The following ANKMY1 variants were observed in gnomAD, a reference collection of about 807,000 sequenced individuals.
ANKMY1 encodes the protein ankyrin repeat and MYND domain containing 1, also known as ankyrin repeat and MYND domain-containing protein 1.
A neutral mutation model predicts 102.0 loss-of-function variants in ANKMY1; 98 were observed. The ratio of observed to expected loss-of-function variants is 0.96; its 90% CI spans 0.82 to 1.14. The LOEUF is 1.14. Ranked by LOEUF, ANKMY1 falls within the 50% of genes most tolerant of loss-of-function variation. The pLI is 0.00. For missense variants in ANKMY1, 1,330 were observed against 1,347.6 expected (o/e 0.99, Z 0.20); for synonymous variants, 582 against 559.9 (o/e 1.04, Z -0.56).
upstream of ANKMY1, chr2:240,560,758 C>T: frequency 6.7e-7 from 1 of 1,491,292 alleles, no homozygotes; most frequent in Non-Finnish European, 8.8e-7. Flanking sequence ...GTCGCGCCCT[C>T]ACTCTTCCTC....
intron 15 of ANKMY1, among the ~76,000 whole-genome samples, chr2:240,483,693 C>A (rs1009064382): frequency 3.9e-5 from 6 of 152,064 alleles, no homozygotes; most frequent in Admixed American, 1.3e-4. Context: ...TCTTTTTCTT[C>A]TTATTATTAT....
chr2:240,480,475 G>A (rs112423847), intron 17 of ANKMY1, among the ~76,000 whole-genome samples: 3 of 152,322 alleles, frequency 2.0e-5, no homozygotes, highest in African/African-American at 4.8e-5. Flanking sequence ...ACCTGTTGAC[G>A]TCCACACTAA....
chr2:240,513,047 G>C (rs2080543250), intron 9 of ANKMY1, 105 bp from the exon 10 acceptor site: 1 of 1,453,522 alleles, frequency 6.9e-7, no homozygotes, highest in African/African-American at 1.4e-5. Context: ...GAGACTCCAA[G>C]GGCACCATTC....
chr2:240,479,885 G>T (rs1256642090), intron 17 of ANKMY1, among the ~76,000 whole-genome samples: 4 of 152,136 alleles, frequency 2.6e-5, no homozygotes, highest in Non-Finnish European at 5.9e-5. Flanking sequence ...TACAAGCCAA[G>T]GAGCTGCGAC....
At chr2:240,472,239 GGGGAGGCAGGCC>G in the ANKMY1 span, among the ~76,000 whole-genome samples, 2 of 124,218 alleles carry the variant, frequency 1.6e-5, no homozygotes, top group Admixed American at 7.6e-5. Context: ...GGCCGCACGC[GGGGAGGCAGGCC>G]TACCAATCTA....
At chr2:240,548,764 A>G (rs2090941629) in intron 4 of ANKMY1, among the ~76,000 whole-genome samples, 1 of 149,544 alleles carries the variant, frequency 6.7e-6, no homozygotes, top group Admixed American at 6.7e-5. Context: ...CCCATTCACA[A>G]TTGCTTCAAA....
chr2:240,481,055 G>C lies in ANKMY1; in HGVS notation c.2928C>G (p.Ile976Met). The change falls in exon 17 of 18, where the codon ATC (isoleucine) becomes ATG (methionine). Residue 976 changes from isoleucine to methionine, a missense_variant. Transcript: ENST00000401804. ...FKFCYQCGRS[I>M]GVRLLPCPRC... ...GAGGGCAGGGCAAGAGGCGGACCCC[G>C]ATGGAGCGGCCACACTGGTAGCAGA... is the stretch of plus-strand genomic sequence containing the variant. 6.2e-7 allele frequency: 1 copy of C among 1,613,182 alleles called. No homozygotes were observed. The highest frequency in any genetic ancestry group is 8.5e-7 in the Non-Finnish European group (1 of 1,179,448).
intron 4 of ANKMY1, among the ~76,000 whole-genome samples, chr2:240,538,469 C>T (rs979149272): frequency 1.3e-5 from 2 of 152,178 alleles, no homozygotes; most frequent in Non-Finnish European, 2.9e-5. Flanking sequence ...CACTGCCAGC[C>T]CGCCAGCGCT....
upstream of ANKMY1, chr2:240,560,635 C>A: frequency 7.0e-7 from 1 of 1,432,690 alleles, no homozygotes; most frequent in Non-Finnish European, 9.1e-7. Context: ...GGCGCCTGAG[C>A]CCCCAAAATA....
intron 4 of ANKMY1, among the ~76,000 whole-genome samples, chr2:240,549,135 CA>C (rs1373985872): frequency 6.6e-6 from 1 of 151,752 alleles, no homozygotes; most frequent in African/African-American, 2.4e-5. Flanking sequence ...CTACAGTAAC[CA>C]AAACAGCATG....
At chr2:240,512,750 A>G (rs2080463825) in intron 10 of ANKMY1, 52 bp downstream of exon 10, 7 of 1,565,794 alleles carry the variant, frequency 4.5e-6, no homozygotes, top group Non-Finnish European at 6.1e-6. Flanking sequence ...GAATCCATCC[A>G]GGCACACCTG....
rs1346120149 is a variant in ANKMY1 at position 240,554,865 on chromosome 2, C to T, written c.336+1G>A. On this transcript the variant is annotated splice_donor_variant, in intron 3 of 17. Coordinates refer to ENST00000401804, the MANE Select transcript of ANKMY1 (RefSeq NM_001282771.3). LOFTEE classifies it high-confidence loss of function. ...GGCGGAGAAAGTGTGGAAGCAGTTA[C>T]CTCGCCTGTGGGCCAAGAGAATTTG... 1 of 1,614,110 alleles carries T rather than the reference C, an allele frequency of 6.2e-7. No homozygotes were observed.
chr2:240,531,747 A>C (rs2085446822), intron 4 of ANKMY1, among the ~76,000 whole-genome samples: 1 of 152,196 alleles, frequency 6.6e-6, no homozygotes. Flanking sequence ...GGGGTTTACT[A>C]TAAAGGAGCT....
Position 240,479,441 on chromosome 2 carries a change from TG to T in ANKMY1, c.*167del. 1 of 816,158 alleles carries T rather than the reference TG, an allele frequency of 1.2e-6. No homozygotes were observed. Among genetic ancestry groups the T allele is most frequent in the Non-Finnish European group, 2.0e-6 (1 of 500,478 alleles). 50.6% of individuals were successfully genotyped at this position (816,158 alleles called of 1,614,324 possible). On this transcript the variant is annotated 3_prime_UTR_variant, in exon 18 of 18. Transcript: ENST00000401804. ...AGCACAGACTGTCAAAATCACCCCGTGGGGCCAATTTATTGCGAGGTCGCAA... is the reference window on the plus strand; with the variant it reads ...AGCACAGACTGTCAAAATCACCCCGTGGGCCAATTTATTGCGAGGTCGCAA...
intron 4 of ANKMY1, among the ~76,000 whole-genome samples, chr2:240,548,058 C>A (rs1268937023): frequency 2.6e-5 from 4 of 151,928 alleles, no homozygotes; most frequent in Non-Finnish European, 4.4e-5. Flanking sequence ...GAGACACAAC[C>A]AAAAAAGAGA....
upstream of ANKMY1, among the ~76,000 whole-genome samples, chr2:240,558,830 T>G (rs1021839571): frequency 6.6e-6 from 1 of 152,140 alleles, no homozygotes; most frequent in East Asian, 1.9e-4. Flanking sequence ...TTGAGTTCAC[T>G]TCTCTCTAAA....
intron 4 of ANKMY1, among the ~76,000 whole-genome samples, chr2:240,537,154 A>T (rs2086987710): frequency 1.3e-5 from 2 of 152,202 alleles, no homozygotes; most frequent in South Asian, 4.1e-4. Flanking sequence ...GCCCAGAGAG[A>T]CCAGCAAGAG....
chr2:240,540,320 T>C (rs994295779), intron 4 of ANKMY1, among the ~76,000 whole-genome samples: 13 of 152,220 alleles, frequency 8.5e-5, no homozygotes, highest in Admixed American at 8.5e-4. Flanking sequence ...CAGGACTCCC[T>C]GAGATTGTGT....
chr2:240,539,949 T>C (rs2088211607), intron 4 of ANKMY1, among the ~76,000 whole-genome samples: 1 of 152,196 alleles, frequency 6.6e-6, no homozygotes. Flanking sequence ...CCAGCACTAA[T>C]GTTAAAATAG....
Sources: gnomAD v4.1 joint callset for allele counts (sites outside exome capture counted in the v4.1 genomes callset) on GRCh38, gnomAD v4.1.1 for gene constraint, MANE v1.5 for transcripts, NCBI Gene and HGNC (gene_info 2026-07-23, HGNC 2026-07-21) for gene names.